SAXO1: variants seen among roughly 807,000 people sequenced by gnomAD.
SAXO1 encodes the protein stabilizer of axonemal microtubules 1, also known as 4930500O09Rik.
SAXO1 carries 21 observed loss-of-function variants against 17.5 expected under a neutral mutation model. The ratio of observed to expected loss-of-function variants is 1.20; its 90% CI spans 0.85 to 1.72. The LOEUF is 1.72. Ranked by LOEUF, SAXO1 falls within the 40% of genes most tolerant of loss-of-function variation. The pLI is 0.00. For missense variants in SAXO1, 843 were observed against 596.0 expected, an observed-to-expected ratio of 1.41 and a Z score of -4.32; for synonymous variants, 274 against 216.5, an observed-to-expected ratio of 1.27 and a Z score of -2.33.
At chr9:18,942,849 G>A (rs1393996995) in intron 2 of SAXO1, among the ~76,000 whole-genome samples, 1 of 152,170 alleles carries the variant, frequency 6.6e-6, no homozygotes, top group Non-Finnish European at 1.5e-5. Flanking sequence ...CCCTCTGAAG[G>A]GTGTCTGTTT....
chr9:18,941,639 T>C lies in SAXO1; in HGVS notation c.419A>G (p.Lys140Arg). 2 of 1,614,154 alleles carry C rather than the reference T, an allele frequency of 1.2e-6. No homozygotes were observed. Among genetic ancestry groups the C allele is most frequent in the Non-Finnish European group, 1.7e-6 (2 of 1,180,008 alleles). ...TCTGCCCCTCTGTGCTCTCCCACCT[T>C]TATAAGTAGGCAAACACTCCATCTT... ...SDKMECLPTY[K>R]ADYLPWNQPR... Residue 140 changes from lysine (K) to arginine (R), a missense_variant and splice_region_variant, in exon 3 of 4, where the codon AAA becomes AGA. By Grantham distance (26) the Lys-to-Arg change is conservative. Transcript: ENST00000380534.
In SAXO1 at chr9:18,928,489, T is replaced by A; in HGVS notation, c.988A>T (p.Lys330Ter). The A allele has an allele frequency of 4.3e-6, 7 of 1,613,628 alleles. No individual in the cohort carries two copies. Among genetic ancestry groups the A allele is most frequent in the Non-Finnish European group, 5.9e-6 (7 of 1,179,820 alleles). The change falls in exon 4 of 4, where the codon AAG becomes TAG. Residue 330 changes from lysine (K) to a stop codon, truncating the protein, a stop_gained. Coordinates refer to ENST00000380534, the MANE Select transcript of SAXO1 (RefSeq NM_153707.4). LOFTEE classifies it low-confidence loss of function (END_TRUNC). ...GAAGAGCCTTCAAAGCGACCGCACT[T>A]CTTAATCTGAAGTGCAGGTCGGCAG... ...QSCRPALQIK[K>*]CGRFEGSSTT...
chr9:19,045,229 G>GA (rs1490156961), intron 1 of SAXO1, among the ~76,000 whole-genome samples: 38 of 147,658 alleles, frequency 2.6e-4, no homozygotes, highest in African/African-American at 9.5e-4. Context: ...AGAATGGCGT[G>GA]AACCTGGGAA....
chr9:19,042,598 C>G (rs929285570), intron 1 of SAXO1, among the ~76,000 whole-genome samples: 3 of 150,442 alleles, frequency 2.0e-5, no homozygotes, highest in East Asian at 2.0e-4. Flanking sequence ...TGCAGTGGCT[C>G]ACACCTGTAA....
rs183808691 is a variant in SAXO1, at chr9:18,966,845, C to A, written c.39-15908G>T. Among the ~76,000 whole-genome samples the A allele has an allele frequency of 6.4e-4, 98 of 152,292 alleles. 1 individual carries two copies. Among genetic ancestry groups the A allele is most frequent in the Middle Eastern group, 3.4e-3 (1 of 294 alleles). ...GCATTCTGGTTTTTGGAATTTTCAG[C>A]CTTTTTGCACTGTTTCCTCCTTACC... On this transcript the variant is annotated intron_variant, in intron 1 of 3. Coordinates refer to ENST00000380534, the MANE Select transcript of SAXO1 (RefSeq NM_153707.4).
intron 1 of SAXO1, among the ~76,000 whole-genome samples, chr9:19,014,393 C>A (rs1834879600): frequency 7.2e-6 from 1 of 138,236 alleles, no homozygotes; most frequent in Non-Finnish European, 1.5e-5. Flanking sequence ...ACCTGGGGGG[C>A]AAGGTTGCAG....
At chr9:19,016,829 A>C (rs1457258638) in intron 1 of SAXO1, among the ~76,000 whole-genome samples, 1 of 141,966 alleles carries the variant, frequency 7.0e-6, no homozygotes, top group Non-Finnish European at 1.5e-5. Flanking sequence ...TTAGCTACCT[A>C]ACATTTTTTG....
chr9:18,950,115 C>G (rs75486233), intron 2 of SAXO1, among the ~76,000 whole-genome samples: 6 of 152,092 alleles, frequency 3.9e-5, no homozygotes, highest in Admixed American at 6.5e-5. Flanking sequence ...CTTTTCTGCA[C>G]CCCCTCAGTA....
chr9:18,991,784 T>G (rs1048782306), intron 1 of SAXO1, among the ~76,000 whole-genome samples: 4 of 152,196 alleles, frequency 2.6e-5, no homozygotes, highest in Non-Finnish European at 5.9e-5. Context: ...AACCATCTCC[T>G]ACCCCCACCT....
At chr9:19,010,219 C>T (rs1337824704) in intron 1 of SAXO1, among the ~76,000 whole-genome samples, 2 of 152,148 alleles carry the variant, frequency 1.3e-5, no homozygotes, top group African/African-American at 4.8e-5. Context: ...CACTTATCTG[C>T]ACCTTACCCT....
chr9:18,946,552 T>G (rs1320721166), intron 2 of SAXO1, among the ~76,000 whole-genome samples: 1 of 151,956 alleles, frequency 6.6e-6, no homozygotes, highest in East Asian at 1.9e-4. Flanking sequence ...AAAACACTTT[T>G]TAGAGGAATG....
rs774663569 is a variant in SAXO1 at position 18,928,740 on chromosome 9, C to A, written c.737G>T (p.Gly246Val). 17 of 1,614,112 alleles carry A rather than the reference C, an allele frequency of 1.1e-5. No individual in the cohort carries two copies. The highest frequency in any genetic ancestry group is 1.4e-5 in the Non-Finnish European group (17 of 1,180,032). The change falls in exon 4 of 4, where the codon GGC (glycine) becomes GTC (valine). Residue 246 changes from glycine (G) to valine (V), a missense_variant. By Grantham distance (109) the Gly-to-Val change is moderately radical (BLOSUM62 -3). Transcript: ENST00000380534. ...SLTTQKQSYR[G>V]LMGEPAKSLK... ...GCTCTTGGCAGGCTCCCCCATCAGGCCCCGGTAGGATTGTTTTTGAGTGGT... is the reference window on the plus strand; with the variant it reads ...GCTCTTGGCAGGCTCCCCCATCAGGACCCGGTAGGATTGTTTTTGAGTGGT...
At chr9:18,999,030 T>C (rs1006100898) in intron 1 of SAXO1, among the ~76,000 whole-genome samples, 1 of 152,230 alleles carries the variant, frequency 6.6e-6, no homozygotes, top group East Asian at 1.9e-4. Flanking sequence ...ACTGATGCTA[T>C]GAAGAAACTG....
chr9:18,946,190 C>T (rs994224967), intron 2 of SAXO1, among the ~76,000 whole-genome samples: 4 of 147,348 alleles, frequency 2.7e-5, no homozygotes, highest in African/African-American at 5.1e-5. Context: ...GCAGGAGAAT[C>T]GCTTGAACTC....
rs115447489 is a variant in SAXO1, at chr9:19,017,449, G to C, written c.38+15422C>G. ...AGTGAAGAATTCATTCTACAGACAG[G>C]GACACTGGCAGCACCAGAGCATGGC... On this transcript the variant is annotated intron_variant, in intron 1 of 3. Coordinates refer to ENST00000380534, the MANE Select transcript of SAXO1 (RefSeq NM_153707.4). 2.4e-3 allele frequency among the ~76,000 whole-genome samples: 365 copies of C among 152,212 alleles called. 1 individual carries two copies. The highest frequency in any genetic ancestry group is 8.2e-3 in the African/African-American group (342 of 41,554).
At chr9:19,024,123 G>C (rs1835370953) in intron 1 of SAXO1, among the ~76,000 whole-genome samples, 2 of 130,362 alleles carry the variant, frequency 1.5e-5, no homozygotes, top group Non-Finnish European at 1.5e-5. Flanking sequence ...TTCACATTCT[G>C]AGACATGTAA....
At chr9:18,930,905 T>C (rs1831017958) in intron 3 of SAXO1, among the ~76,000 whole-genome samples, 1 of 152,154 alleles carries the variant, frequency 6.6e-6, no homozygotes, top group South Asian at 2.1e-4. Context: ...GCCCTCTGAA[T>C]CTATAGGGAA....
At chr9:18,941,888 G>A in intron 2 of SAXO1, 49 bp from the exon 3 acceptor site, 2 of 1,569,074 alleles carry the variant, frequency 1.3e-6, no homozygotes, top group East Asian at 4.5e-5. Context: ...TTGCGATAAG[G>A]CTTATGTTTT....
Position 18,941,945 on chromosome 9 carries a change from C to T in SAXO1, c.219-106G>A, listed in dbSNP as rs1831583013. 4 of 1,010,118 alleles carry T rather than the reference C, an allele frequency of 4.0e-6. No homozygotes were observed. The East Asian group carries it at 7.3e-5, about 19-fold the overall frequency. The allele number at this position is 1,010,118 out of a possible 1,614,324, so 62.6% of individuals were successfully genotyped here. ...ACATTTGCTGAGAAGTCCTGTTCTA[C>T]TCTACCTGCCTTCCCTCCTCCCCCG... is the stretch of plus-strand genomic sequence containing the variant. On this transcript the variant is annotated intron_variant, in intron 2 of 3. Transcript: ENST00000380534.
Sources: allele counts gnomAD v4.1 joint callset (sites outside exome capture counted in the v4.1 genomes callset), GRCh38; gene constraint gnomAD v4.1.1; transcripts MANE v1.5; gene names NCBI Gene and HGNC (gene_info 2026-07-23, HGNC 2026-07-21).